APOO: variants seen among roughly 807,000 people sequenced by gnomAD.
APOO encodes apolipoprotein O.
In APOO, 11 loss-of-function variants were observed where a neutral mutation model predicts 23.1. The observed-to-expected ratio is 0.48, with a 90% confidence interval of 0.30 to 0.79. APOO has a LOEUF of 0.79. Ranked by LOEUF, APOO falls within the 30% of genes least tolerant of loss-of-function variation. The pLI, the probability that APOO is intolerant of heterozygous loss-of-function variation, is 0.07. For synonymous variants in APOO, 59 were observed against 54.8 expected, an observed-to-expected ratio of 1.08 and a Z score of -0.34; for missense variants, 160 against 142.7, an observed-to-expected ratio of 1.12 and a Z score of -0.62.
chrX:23,874,577 CAA>C, intron 3 of APOO, 120 bp from the exon 4 acceptor site: 1 of 581,200 alleles, frequency 1.7e-6, no homozygotes, highest in East Asian at 3.5e-5. Flanking sequence ...GCTTTTTGAA[CAA>C]AGGGATACAC....
At chrX:23,852,010 G>C (rs1454734904) in intron 7 of APOO, among the ~76,000 whole-genome samples, 1 of 111,481 alleles carries the variant, frequency 9.0e-6, no homozygotes, top group South Asian at 3.7e-4. Context: ...TGTAACCTCC[G>C]CCTCTCAGGT....
chrX:23,881,442 G>A (rs1041838817), intron 1 of APOO, among the ~76,000 whole-genome samples: 2 of 106,034 alleles, frequency 1.9e-5, no homozygotes, highest in Non-Finnish European at 3.9e-5. Flanking sequence ...CAGCTACTCA[G>A]GAGACTGAGG....
In APOO at chrX:23,904,502, TG is replaced by T. The variant is rs1232270814; in HGVS notation, c.9+3191del. On this transcript the variant is annotated intron_variant, in intron 1 of 8. Transcript: ENST00000379226. ...AGAAGAGATGGGTCCTTGATGACACTGGTTTTTTTTTTTTTTTTTTTTTTGG... is the reference window on the plus strand; with the variant it reads ...AGAAGAGATGGGTCCTTGATGACACTGTTTTTTTTTTTTTTTTTTTTTTGG... Among the ~76,000 whole-genome samples, 84 of 86,306 alleles carry T rather than the reference TG, an allele frequency of 9.7e-4. 1 individual carries two copies. The highest frequency in any genetic ancestry group is 1.5e-3 in the Non-Finnish European group (68 of 44,915). 74.9% of individuals were successfully genotyped at this position (86,306 alleles called of 115,157 possible).
intron 5 of APOO, among the ~76,000 whole-genome samples, chrX:23,864,961 C>T (rs1331678595): frequency 1.8e-5 from 2 of 110,692 alleles, no homozygotes; most frequent in African/African-American, 6.6e-5. Flanking sequence ...TCTCGGGCCT[C>T]CAGCTCCTGC....
At chrX:23,853,055 C>T (rs1489393766) in intron 7 of APOO, among the ~76,000 whole-genome samples, 7 of 110,016 alleles carry the variant, frequency 6.4e-5, no homozygotes, top group Admixed American at 5.9e-4. Flanking sequence ...TTCAGGAGTT[C>T]GAGGCCAGCC....
At chrX:23,906,927 A>AATTCTGAGATTTCAT (rs1305850786) in intron 1 of APOO, among the ~76,000 whole-genome samples, 3 of 112,524 alleles carry the variant, frequency 2.7e-5, no homozygotes, top group Non-Finnish European at 1.9e-5. Flanking sequence ...TGAATAGTAC[A>AATTCTGAGATTTCAT]ATTCTGAGAT....
intron 1 of APOO, among the ~76,000 whole-genome samples, chrX:23,891,905 TATA>T (rs1194534536): frequency 2.1e-3 from 232 of 108,504 alleles, no homozygotes; most frequent in Middle Eastern, 9.5e-3. Context: ...TTTAAGTATA[TATA>T]ATACTTTATG....
intron 1 of APOO, among the ~76,000 whole-genome samples, chrX:23,889,792 G>C (rs1425235620): frequency 9.2e-6 from 1 of 108,128 alleles, no homozygotes; most frequent in Non-Finnish European, 1.9e-5. Context: ...CCTCCTGGTA[G>C]CTGGGACTAC....
chrX:23,880,058 G>GTT (rs770501178), intron 2 of APOO, among the ~76,000 whole-genome samples: 11 of 98,819 alleles, frequency 1.1e-4, no homozygotes, highest in African/African-American at 4.0e-4. Context: ...AAGATTTCTT[G>GTT]TTTTTTTTTT....
intron 1 of APOO, among the ~76,000 whole-genome samples, chrX:23,881,241 A>C (rs955382420): frequency 1.3e-4 from 14 of 109,032 alleles, no homozygotes; most frequent in Admixed American, 1.2e-3. Flanking sequence ...CACCCGGCTA[A>C]TTTTTGTATT....
At chrX:23,843,661 G>A (rs1186167970) in intron 7 of APOO, among the ~76,000 whole-genome samples, 3 of 95,013 alleles carry the variant, frequency 3.2e-5, no homozygotes, top group Non-Finnish European at 4.0e-5. Flanking sequence ...CTCAGCTCAC[G>A]TAACCTCTGC....
At chrX:23,865,158 G>A (rs185292977) in intron 5 of APOO, among the ~76,000 whole-genome samples, 538 of 111,616 alleles carry the variant, frequency 4.8e-3, no homozygotes, top group Non-Finnish European at 7.1e-3. Flanking sequence ...GGCAACAATA[G>A]TGTCAACAAC....
intron 4 of APOO, among the ~76,000 whole-genome samples, chrX:23,869,727 G>A (rs984743222): frequency 4.6e-5 from 5 of 107,661 alleles, no homozygotes; most frequent in African/African-American, 1.0e-4. Context: ...CGAGGAGGGC[G>A]GATCACGAGG....
intron 1 of APOO, among the ~76,000 whole-genome samples, chrX:23,895,908 T>G (rs1926882633): frequency 9.2e-6 from 1 of 108,754 alleles, no homozygotes; most frequent in South Asian, 4.0e-4. Context: ...ACTTGTAGTA[T>G]GATTCCACCG....
chrX:23,894,352 C>A (rs948293601), intron 1 of APOO, among the ~76,000 whole-genome samples: 5 of 109,911 alleles, frequency 4.5e-5, no homozygotes, highest in Non-Finnish European at 9.5e-5. Flanking sequence ...GCCACGTTGG[C>A]CAGGCTGGTC....
At chrX:23,833,985 A>AAAAT (rs779465944) in intron 8 of APOO, among the ~76,000 whole-genome samples, 1 of 111,328 alleles carries the variant, frequency 9.0e-6, no homozygotes, top group Non-Finnish European at 1.9e-5. Context: ...ACTCCATCTC[A>AAAAT]AAATAAATAA....
intron 1 of APOO, among the ~76,000 whole-genome samples, chrX:23,898,014 T>G (rs749415170): frequency 1.0e-4 from 11 of 105,545 alleles, no homozygotes; most frequent in African/African-American, 3.4e-4. Flanking sequence ...AAAAAAAATC[T>G]ATCTAGACAC....
intron 6 of APOO, among the ~76,000 whole-genome samples, 186 bp downstream of exon 6, chrX:23,858,456 G>A (rs191940060): frequency 8.9e-6 from 1 of 112,114 alleles, no homozygotes; most frequent in East Asian, 2.8e-4. Flanking sequence ...TGGCATTACT[G>A]GAAGAAGGGC....
chrX:23,893,192 C>T (rs1387112906), intron 1 of APOO, among the ~76,000 whole-genome samples: 13 of 106,432 alleles, frequency 1.2e-4, no homozygotes, highest in African/African-American at 4.1e-4. Context: ...CCGAAGCGGG[C>T]AGATCACGAG....
Sources: allele counts gnomAD v4.1 joint callset (sites outside exome capture counted in the v4.1 genomes callset), GRCh38; gene constraint gnomAD v4.1.1; transcripts MANE v1.5; gene names NCBI Gene and HGNC (gene_info 2026-07-23, HGNC 2026-07-21).